Variants in MAPT observed in about 807,000 individuals in gnomAD.
MAPT encodes the protein microtubule associated protein tau, also known as microtubule-associated protein tau.
MAPT carries 34 observed loss-of-function variants against 67.9 expected under a neutral mutation model. The observed-to-expected ratio is 0.50, with a 90% CI of 0.38 to 0.67. The LOEUF (loss-of-function observed/expected upper bound fraction) is 0.67, where lower values mean the gene tolerates loss of function less well. Ranked by LOEUF, MAPT falls within the 30% of genes least tolerant of loss-of-function variation. The pLI is 0.00. For synonymous variants in MAPT, 456 were observed against 464.5 expected, an observed-to-expected ratio of 0.98 and a Z score of 0.23; for missense variants, 881 against 1,115.2, an observed-to-expected ratio of 0.79 and a Z score of 2.99.
intron 1 of MAPT, among the ~76,000 whole-genome samples, chr17:45,914,744 A>G (rs553428859): frequency 6.8e-6 from 1 of 147,838 alleles, no homozygotes; most frequent in East Asian, 2.0e-4. Context: ...TTTTTGAGAC[A>G]GGGTCTCTCT....
chr17:45,961,359 A>G (rs2070386468), intron 1 of MAPT, among the ~76,000 whole-genome samples: 2 of 152,192 alleles, frequency 1.3e-5, no homozygotes, highest in African/African-American at 4.8e-5. Flanking sequence ...CCCAAGCCTC[A>G]TGCCCCTACT....
Position 45,906,419 on chromosome 17 carries a change from T to G in MAPT, c.-18+11733T>G, listed in dbSNP as rs2144021257. On this transcript the variant is annotated intron_variant, in intron 1 of 12. Transcript: ENST00000262410. This position sits in a 1 kb window ranked among gnomAD's most constrained non-coding sequence, Gnocchi z 4.3. ...AGGAATCGATTAAGGCATGAGTGAT[T>G]AAATTAAAGCCAGGCATTGACTTGG... Among the ~76,000 whole-genome samples, 1 of 152,316 alleles carries G rather than the reference T, an allele frequency of 6.6e-6. No homozygotes were observed. Among genetic ancestry groups the G allele is most frequent in the Admixed American group, 6.5e-5 (1 of 15,300 alleles).
At chr17:45,972,610 A>G (rs2071831625) in intron 3 of MAPT, among the ~76,000 whole-genome samples, 1 of 152,192 alleles carries the variant, frequency 6.6e-6, no homozygotes, top group South Asian at 2.1e-4. Flanking sequence ...TTCTCACATA[A>G]TCAGATGTCT....
intron 1 of MAPT, among the ~76,000 whole-genome samples, chr17:45,923,157 A>G (rs1282588535): frequency 6.6e-6 from 1 of 152,164 alleles, no homozygotes; most frequent in Non-Finnish European, 1.5e-5. Context: ...TGGCAGGGGT[A>G]GGACTCCTGG....
intron 1 of MAPT, among the ~76,000 whole-genome samples, chr17:45,933,426 G>A (rs1485856901): frequency 6.6e-6 from 1 of 152,110 alleles, no homozygotes; most frequent in Non-Finnish European, 1.5e-5. Context: ...TTTTAGTAGA[G>A]GCAGGGTTTC....
Position 45,996,522 on chromosome 17 carries a change from C to T in MAPT, c.1856C>T (p.Ala619Val). ...TPPTREPKKV[A>V]VVRTPPKSPS... ...CCCACCCGGGAGCCCAAGAAGGTGG[C>T]AGTGGTCCGTACTCCACCCAAGTCG... The change falls in exon 9 of 13, where the codon GCA (alanine) becomes GTA (valine). Residue 619 changes from alanine to valine, a missense_variant. By Grantham distance (64) the Ala-to-Val change is moderately conservative. This residue lies in a region of MAPT where 33 missense variants were observed against 76.0 expected (regional missense o/e 0.43). Transcript: ENST00000262410. This position sits in a 1 kb window ranked among gnomAD's most constrained non-coding sequence, Gnocchi z 4.5. 1 of 1,612,598 alleles carries T rather than the reference C, an allele frequency of 6.2e-7. No homozygotes were observed. Among genetic ancestry groups the T allele is most frequent in the Non-Finnish European group, 8.5e-7 (1 of 1,179,682 alleles).
intron 1 of MAPT, among the ~76,000 whole-genome samples, chr17:45,961,453 T>C (rs1056719152): frequency 6.6e-6 from 1 of 151,986 alleles, no homozygotes; most frequent in African/African-American, 2.4e-5. Flanking sequence ...GCCGGTGTGG[T>C]GAATGGGGGC....
intron 1 of MAPT, among the ~76,000 whole-genome samples, chr17:45,902,136 G>A (rs7222833): frequency 1.1e-4 from 17 of 151,938 alleles, no homozygotes; most frequent in African/African-American, 3.6e-4. Context: ...GTGCAATGGC[G>A]CGATCTTGGC....
chr17:45,969,118 C>G (rs2071385530), intron 2 of MAPT: 1 of 152,220 alleles, frequency 6.6e-6, no homozygotes, highest in Non-Finnish European at 1.5e-5. Flanking sequence ...AGAGGAAACC[C>G]ATTCAGCCAC....
At chr17:45,913,222 C>T (rs2064925949) in intron 1 of MAPT, among the ~76,000 whole-genome samples, 2 of 152,222 alleles carry the variant, frequency 1.3e-5, no homozygotes, top group African/African-American at 4.8e-5. Flanking sequence ...CCACATCTTA[C>T]ATGGATGGCA....
intron 1 of MAPT, among the ~76,000 whole-genome samples, chr17:45,955,585 G>A (rs980682556): frequency 5.9e-5 from 9 of 152,208 alleles, no homozygotes; most frequent in Non-Finnish European, 7.3e-5. Context: ...GTGATGTGTC[G>A]ATGTGCAGAG....
chr17:45,965,642 C>T (rs2070993863), intron 2 of MAPT, among the ~76,000 whole-genome samples: 2 of 151,872 alleles, frequency 1.3e-5, no homozygotes, highest in African/African-American at 2.4e-5. Context: ...TCTGGGACTC[C>T]TGACCTCAGG....
intron 1 of MAPT, among the ~76,000 whole-genome samples, chr17:45,927,348 T>C (rs958876091): frequency 1.3e-5 from 2 of 152,120 alleles, no homozygotes; most frequent in African/African-American, 4.8e-5. Context: ...AAGTCAAGAC[T>C]CCCAGGGTCA....
intron 1 of MAPT, among the ~76,000 whole-genome samples, chr17:45,944,931 ACT>A (rs1364724732): frequency 1.3e-5 from 2 of 151,966 alleles, no homozygotes; most frequent in African/African-American, 4.8e-5. Flanking sequence ...GTAAAGCTGA[ACT>A]CTCCAGCAAA....
intron 11 of MAPT, 39 bp downstream of exon 11, chr17:46,014,363 C>A: frequency 7.0e-7 from 1 of 1,434,356 alleles, no homozygotes; most frequent in Non-Finnish European, 9.8e-7. Context: ...CGGGAGGGTG[C>A]AGGGGGTGGA....
rs773142577 is a variant in MAPT at position 46,024,101 on chromosome 17, T to C, written c.2432T>C (p.Met811Thr). Residue 811 changes from methionine (M) to threonine (T), a missense_variant, in exon 13 of 13, where the codon ATG becomes ACG. Around this residue, in one of 6 missense-constraint regions of MAPT, gnomAD observed 79 missense variants for 150.9 expected, o/e 0.52. Coordinates refer to ENST00000262410, the MANE Select transcript of MAPT (RefSeq NM_001377265.1). ...GTCTCCTCCACCGGCAGCATCGACATGGTAGACTCGCCCCAGCTCGCCACG... is the reference window on the plus strand; with the variant it reads ...GTCTCCTCCACCGGCAGCATCGACACGGTAGACTCGCCCCAGCTCGCCACG... Reference protein sequence around the residue: ...SNVSSTGSIDMVDSPQLATLA... With the variant: ...SNVSSTGSIDTVDSPQLATLA... 6.2e-7 allele frequency: 1 copy of C among 1,614,084 alleles called. No homozygotes were observed. The highest frequency in any genetic ancestry group is 2.2e-5 in the East Asian group (1 of 44,880).
At chr17:46,011,575 G>A (rs1449560222) in intron 10 of MAPT, among the ~76,000 whole-genome samples, 2 of 152,212 alleles carry the variant, frequency 1.3e-5, no homozygotes, top group South Asian at 2.1e-4. Context: ...TATGTCGACT[G>A]GGCACCCGAG....
intron 5 of MAPT, 130 bp downstream of exon 5, chr17:45,984,060 C>T (rs1384273634): frequency 8.8e-6 from 7 of 796,768 alleles, no homozygotes; most frequent in East Asian, 2.5e-5. Flanking sequence ...GCCACTAAAT[C>T]GACACCTGGG....
Position 46,018,675 on chromosome 17 carries a change from C to T in MAPT, c.2231C>T (p.Ser744Leu), listed in dbSNP as rs63750425. The T allele has an allele frequency of 2.5e-6, 4 of 1,613,990 alleles. No homozygotes were observed. The highest frequency in any genetic ancestry group is 3.4e-6 in the Non-Finnish European group (4 of 1,180,036). The change falls in exon 12 of 13, where the codon TCG becomes TTG. Residue 744 changes from serine to leucine, a missense_variant. Physicochemically the swap from Ser to Leu is moderately radical, Grantham distance 145. This residue lies in a region of MAPT where 79 missense variants were observed against 150.9 expected (regional missense o/e 0.52). Coordinates refer to ENST00000262410, the MANE Select transcript of MAPT (RefSeq NM_001377265.1). ...EKLDFKDRVQ[S>L]KIGSLDNITH... ...CTTGACTTCAAGGACAGAGTCCAGTCGAAGATTGGGTCCCTGGACAATATC... is the reference window on the plus strand; with the variant it reads ...CTTGACTTCAAGGACAGAGTCCAGTTGAAGATTGGGTCCCTGGACAATATC...
Sources: allele counts gnomAD v4.1 joint callset (sites outside exome capture counted in the v4.1 genomes callset), GRCh38; gene constraint gnomAD v4.1.1; regional missense constraint gnomAD v4.1.1; non-coding constraint Gnocchi (gnomAD v3.1); transcripts MANE v1.5; gene names NCBI Gene and HGNC (gene_info 2026-07-23, HGNC 2026-07-21).